Variants in LRP1B observed in about 807,000 individuals in gnomAD.
LRP1B encodes low-density lipoprotein receptor-related protein 1B.
In LRP1B, 217 loss-of-function variants were observed where a neutral mutation model predicts 556.6. The observed-to-expected ratio is 0.39, with a 90% CI of 0.35 to 0.44. The LOEUF (loss-of-function observed/expected upper bound fraction) is 0.44. Ranked by LOEUF, LRP1B falls within the 20% of genes least tolerant of loss-of-function variation. The pLI, the probability that LRP1B is intolerant of heterozygous loss-of-function variation, is 1.00. For missense variants in LRP1B, 5,053 were observed against 5,620.8 expected (o/e 0.90, Z 3.23); for synonymous variants, 2,047 against 1,865.8 (o/e 1.10, Z -2.50).
chr2:141,286,284 A>AATGTGAAAATTGCTTTCCTAAGCTATT (rs1685717979), intron 3 of LRP1B, among the ~76,000 whole-genome samples: 1 of 152,090 alleles, frequency 6.6e-6, no homozygotes, highest in Non-Finnish European at 1.5e-5. Flanking sequence ...TTTAAAGTCA[A>AATGTGAAAATTGCTTTCCTAAGCTATT]CCTTGCTTTC....
intron 7 of LRP1B, among the ~76,000 whole-genome samples, chr2:141,121,146 T>A (rs945411657): frequency 1.3e-5 from 2 of 152,010 alleles, no homozygotes; most frequent in African/African-American, 4.8e-5. Context: ...AGTTTCCTCA[T>A]CCATGAAATG....
intron 11 of LRP1B, among the ~76,000 whole-genome samples, chr2:141,033,857 A>G (rs1452715774): frequency 6.6e-6 from 1 of 152,046 alleles, no homozygotes; most frequent in Non-Finnish European, 1.5e-5. Flanking sequence ...CAAAATCCCC[A>G]TATTTCTAAA....
chr2:141,415,256 G>C (rs62167979), intron 3 of LRP1B, among the ~76,000 whole-genome samples: 1 of 151,932 alleles, frequency 6.6e-6, no homozygotes, highest in East Asian at 1.9e-4. Context: ...CTTGTGATCC[G>C]CCTGCCTCGG....
intron 29 of LRP1B, among the ~76,000 whole-genome samples, chr2:140,843,081 G>GTTTTTTTTTTTTTTTTTTTTTTTTTTTT (rs1559151608): frequency 5.3e-5 from 1 of 18,730 alleles, no homozygotes; most frequent in Non-Finnish European, 1.1e-4. Flanking sequence ...TTTTTTTTTT[G>GTTTTTTTTTTTTTTTTTTTTTTTTTTTT]TTTGTTTTTT....
rs1310859433 is a variant in LRP1B at position 141,407,503 on chromosome 2, T to C, written c.343+72893A>G. Among the ~76,000 whole-genome samples, 5 of 152,254 alleles carry C rather than the reference T, an allele frequency of 3.3e-5. No individual in the cohort carries two copies. In the South Asian group the frequency reaches 1.0e-3, roughly 32 times the overall value. ...GGCCTAGTGGGAGGTGTTTGGATCA[T>C]ACAGGCGGATCCCTCATGAATGGCT... On this transcript the variant is annotated intron_variant, in intron 3 of 90. Transcript: ENST00000389484.
intron 66 of LRP1B, among the ~76,000 whole-genome samples, chr2:140,430,483 C>T (rs1685876725): frequency 6.6e-6 from 1 of 152,162 alleles, no homozygotes; most frequent in Non-Finnish European, 1.5e-5. Flanking sequence ...CAAAAGGTGT[C>T]AGATCCCATT....
intron 2 of LRP1B, among the ~76,000 whole-genome samples, chr2:141,538,704 A>G (rs980618256): frequency 2.7e-5 from 4 of 150,426 alleles, no homozygotes; most frequent in African/African-American, 9.8e-5. Flanking sequence ...CAGCACAATG[A>G]TCTTGGCTCA....
chr2:142,058,642 C>A (rs1704773954), intron 1 of LRP1B, among the ~76,000 whole-genome samples: 1 of 152,050 alleles, frequency 6.6e-6, no homozygotes, highest in African/African-American at 2.4e-5. Flanking sequence ...CCCAGGGAAG[C>A]CAAATGATTG....
intron 3 of LRP1B, among the ~76,000 whole-genome samples, chr2:141,475,847 A>T (rs965993423): frequency 6.6e-6 from 1 of 152,124 alleles, no homozygotes; most frequent in African/African-American, 2.4e-5. Flanking sequence ...CCAGCTTCTC[A>T]TCCATTCCAT....
At chr2:141,093,737 G>A (rs1700227571) in intron 7 of LRP1B, among the ~76,000 whole-genome samples, 1 of 150,100 alleles carries the variant, frequency 6.7e-6, no homozygotes, top group Admixed American at 6.6e-5. Context: ...ATTTTTTTTT[G>A]ACAGAGTTGC....
At chr2:141,096,619 G>A (rs201958956) in intron 7 of LRP1B, among the ~76,000 whole-genome samples, 17 of 33,994 alleles carry the variant, frequency 5.0e-4, no homozygotes, top group South Asian at 1.5e-3. Context: ...TGACAAAGAC[G>A]GGGAGAGGGG....
intron 5 of LRP1B, among the ~76,000 whole-genome samples, chr2:141,242,722 A>G (rs1683924402): frequency 6.6e-6 from 1 of 152,022 alleles, no homozygotes; most frequent in Non-Finnish European, 1.5e-5. Context: ...AGTGTTTTTT[A>G]TTTTACTATT....
chr2:141,069,454 A>C lies in LRP1B; in HGVS notation c.1014-7181T>G, dbSNP rs74788272. Among the ~76,000 whole-genome samples, 1,062 of 152,166 alleles carry C rather than the reference A, an allele frequency of 7.0e-3. 10 individuals are homozygous for C. The highest frequency in any genetic ancestry group is 0.024 in the African/African-American group (1,009 of 41,554). On this transcript the variant is annotated intron_variant, in intron 7 of 90. Transcript: ENST00000389484. ...AACATGGTGGGAAAAATGCTTAATC[A>C]TCTCCTCTCCCTAGATTGTCATTGT...
chr2:141,687,475 A>G (rs1691355476), intron 2 of LRP1B, among the ~76,000 whole-genome samples: 1 of 152,036 alleles, frequency 6.6e-6, no homozygotes, highest in Non-Finnish European at 1.5e-5. Flanking sequence ...TTCATCTTAT[A>G]GTTTGCACCA....
At chr2:141,474,808 T>C (rs983518389) in intron 3 of LRP1B, among the ~76,000 whole-genome samples, 4 of 152,088 alleles carry the variant, frequency 2.6e-5, no homozygotes, top group African/African-American at 9.7e-5. Flanking sequence ...GTGTATGTAT[T>C]TGTATGTTTT....
At chr2:140,933,784 T>A (rs1428651850) in intron 20 of LRP1B, among the ~76,000 whole-genome samples, 1 of 152,098 alleles carries the variant, frequency 6.6e-6, no homozygotes, top group Non-Finnish European at 1.5e-5. Context: ...TGTTCTAATA[T>A]TTTATTTTTT....
intron 1 of LRP1B, among the ~76,000 whole-genome samples, chr2:141,858,981 G>A (rs1188199234): frequency 1.3e-5 from 2 of 150,186 alleles, no homozygotes; most frequent in African/African-American, 2.4e-5. Context: ...AAAAGCCCCT[G>A]GAATACTTTC....
intron 7 of LRP1B, among the ~76,000 whole-genome samples, chr2:141,186,243 G>A (rs1305434195): frequency 6.6e-6 from 1 of 150,674 alleles, no homozygotes; most frequent in East Asian, 1.9e-4. Flanking sequence ...CTGAACAGAA[G>A]TTATAATAGT....
chr2:141,539,941 G>A (rs1483416162), intron 2 of LRP1B, among the ~76,000 whole-genome samples: 4 of 152,162 alleles, frequency 2.6e-5, no homozygotes, highest in South Asian at 4.2e-4. Flanking sequence ...AGGCAAATGC[G>A]TTATTGAAAT....
Sources: gnomAD v4.1 joint callset for allele counts (sites outside exome capture counted in the v4.1 genomes callset) on GRCh38, gnomAD v4.1.1 for gene constraint, MANE v1.5 for transcripts, NCBI Gene and HGNC (gene_info 2026-07-23, HGNC 2026-07-21) for gene names.